CDH12: variants seen among roughly 807,000 people sequenced by gnomAD.
CDH12 encodes the protein cadherin-12.
Under a neutral mutation model 74.1 loss-of-function variants are expected in CDH12, and 41 were observed. The ratio of observed to expected loss-of-function variants is 0.55; its 90% CI spans 0.43 to 0.72. The LOEUF is 0.72. Ranked by LOEUF, CDH12 falls within the 30% of genes least tolerant of loss-of-function variation. CDH12 has a pLI of 0.00. For missense variants in CDH12, 945 were observed against 977.2 expected (o/e 0.97, Z 0.44); for synonymous variants, 399 against 355.0 (o/e 1.12, Z -1.39).
At position 22,030,997 on chromosome 5, in the gene CDH12, T is replaced by C. The variant is rs568302368; in HGVS notation, c.231+47449A>G. ...CTCATCTCTCTCAGCCTTCACAGAA[T>C]TGAGGAGAGTTAGGGCCTTACTCTA... On this transcript the variant is annotated intron_variant, in intron 5 of 14. Coordinates refer to ENST00000382254, the MANE Select transcript of CDH12 (RefSeq NM_004061.5). Among the ~76,000 whole-genome samples the C allele has an allele frequency of 9.2e-5, 14 of 152,238 alleles. No homozygotes were observed. The South Asian group carries it at 2.7e-3, about 29-fold the overall frequency.
Position 21,802,593 on chromosome 5 carries a change from C to CTTTTTTTTTT in CDH12, c.1003-183_1003-174dup, listed in dbSNP as rs35742047. Among the ~76,000 whole-genome samples the CTTTTTTTTTT allele has an allele frequency of 1.2e-4, 14 of 120,194 alleles. 3 individuals carry two copies. The highest frequency in any genetic ancestry group is 2.0e-4 in the Non-Finnish European group (12 of 60,954). 78.9% of individuals were successfully genotyped at this position (120,194 alleles called of 152,430 possible). ...AGCACAAGGCAAACCATTTTTTTTT[C>CTTTTTTTTTT]TTTTTTTTTTTTTTTTGAGACAGAG... On this transcript the variant is annotated intron_variant, in intron 9 of 14. Transcript: ENST00000382254.
intron 1 of CDH12, among the ~76,000 whole-genome samples, chr5:22,665,432 T>C (rs1386517252): frequency 6.6e-6 from 1 of 152,186 alleles, no homozygotes; most frequent in African/African-American, 2.4e-5. Flanking sequence ...GGCATACTAA[T>C]CACAGAAGGA....
chr5:22,611,513 T>C (rs1737399296), intron 1 of CDH12, among the ~76,000 whole-genome samples: 1 of 152,062 alleles, frequency 6.6e-6, no homozygotes, highest in Non-Finnish European at 1.5e-5. Context: ...GGGAAAGGTT[T>C]AGGGAAACCA....
intron 5 of CDH12, among the ~76,000 whole-genome samples, chr5:22,078,157 C>T (rs1742461415): frequency 1.3e-5 from 2 of 152,112 alleles, no homozygotes; most frequent in Non-Finnish European, 2.9e-5. Context: ...TGCTTAATAA[C>T]ATTTTCATAC....
intron 3 of CDH12, among the ~76,000 whole-genome samples, chr5:22,399,299 T>A (rs1478433128): frequency 6.6e-6 from 1 of 152,092 alleles, no homozygotes; most frequent in Non-Finnish European, 1.5e-5. Context: ...GATGTATATG[T>A]GGCAGCAAGG....
chr5:22,115,881 G>A (rs766516094), intron 4 of CDH12, among the ~76,000 whole-genome samples: 7 of 151,784 alleles, frequency 4.6e-5, no homozygotes, highest in Admixed American at 2.0e-4. Context: ...TAGTGGAGTC[G>A]GGGTTTCACC....
chr5:21,844,194 A>AT (rs1200591147), intron 7 of CDH12, among the ~76,000 whole-genome samples: 1 of 152,162 alleles, frequency 6.6e-6, no homozygotes, highest in Non-Finnish European at 1.5e-5. Flanking sequence ...TGATGCAATC[A>AT]TTTTTTGCTT....
intron 1 of CDH12, among the ~76,000 whole-genome samples, chr5:22,631,445 C>G (rs1273961744): frequency 1.5e-5 from 2 of 137,156 alleles, no homozygotes; most frequent in South Asian, 5.0e-4. Context: ...CCATAGAATA[C>G]TTTGCAGCCT....
intron 10 of CDH12, among the ~76,000 whole-genome samples, chr5:21,796,621 A>G (rs1010951397): frequency 2.0e-5 from 3 of 152,046 alleles, no homozygotes; most frequent in African/African-American, 7.2e-5. Flanking sequence ...TTCTTTTGAC[A>G]TGGATTAAAA....
intron 1 of CDH12, among the ~76,000 whole-genome samples, chr5:22,727,389 A>G (rs1744214556): frequency 6.6e-6 from 1 of 151,940 alleles, no homozygotes; most frequent in Middle Eastern, 3.4e-3. Flanking sequence ...AACTTTTAAA[A>G]AGTACAATTT....
intron 5 of CDH12, among the ~76,000 whole-genome samples, chr5:21,983,817 C>A (rs573691018): frequency 1.1e-4 from 17 of 152,126 alleles, no homozygotes; most frequent in African/African-American, 3.9e-4. Flanking sequence ...ATTGGTAATG[C>A]TCTTCATTTT....
At chr5:22,726,194 T>C (rs1314360170) in intron 1 of CDH12, among the ~76,000 whole-genome samples, 1 of 151,828 alleles carries the variant, frequency 6.6e-6, no homozygotes, top group Non-Finnish European at 1.5e-5. Flanking sequence ...GTTCTCCATG[T>C]ATTCATTCAT....
intron 6 of CDH12, among the ~76,000 whole-genome samples, chr5:21,944,274 A>C (rs995268316): frequency 1.3e-5 from 2 of 152,138 alleles, no homozygotes; most frequent in Non-Finnish European, 2.9e-5. Context: ...TGGTGTGTAG[A>C]AAGAAAATGT....
At chr5:22,590,607 C>T (rs1328216198) in intron 1 of CDH12, among the ~76,000 whole-genome samples, 2 of 152,094 alleles carry the variant, frequency 1.3e-5, no homozygotes, top group African/African-American at 2.4e-5. Context: ...AAAATTCATT[C>T]CAACTAGTAA....
At chr5:22,170,595 T>C (rs550216227) in intron 4 of CDH12, among the ~76,000 whole-genome samples, 1 of 151,154 alleles carries the variant, frequency 6.6e-6, no homozygotes, top group Non-Finnish European at 1.5e-5. Flanking sequence ...ATATATAAGT[T>C]ATATATAAGC....
intron 4 of CDH12, among the ~76,000 whole-genome samples, chr5:22,140,067 A>G (rs914754794): frequency 2.0e-5 from 3 of 152,132 alleles, no homozygotes; most frequent in Non-Finnish European, 4.4e-5. Flanking sequence ...ACCCCTTTGC[A>G]TAGCTAATTT....
chr5:22,524,874 A>G (rs1463724229), intron 1 of CDH12, among the ~76,000 whole-genome samples: 3 of 151,458 alleles, frequency 2.0e-5, no homozygotes, highest in African/African-American at 7.3e-5. Flanking sequence ...GGTTTGTTAC[A>G]TATGTATACA....
At chr5:21,769,447 C>T (rs898795612) in intron 11 of CDH12, among the ~76,000 whole-genome samples, 88 of 152,222 alleles carry the variant, frequency 5.8e-4, no homozygotes, top group African/African-American at 2.0e-3. Context: ...GACAATTGTA[C>T]ACTTAATATA....
chr5:22,575,396 ATT>A (rs35316807), intron 1 of CDH12, among the ~76,000 whole-genome samples: 198 of 143,780 alleles, frequency 1.4e-3, no homozygotes, highest in African/African-American at 4.0e-3. Context: ...GGTTTGAAAC[ATT>A]TTTTTTTTTT....
Sources: gnomAD v4.1 joint callset for allele counts (sites outside exome capture counted in the v4.1 genomes callset) on GRCh38, gnomAD v4.1.1 for gene constraint, MANE v1.5 for transcripts, NCBI Gene and HGNC (gene_info 2026-07-23, HGNC 2026-07-21) for gene names.